RIOX2: variants seen among roughly 807,000 people sequenced by gnomAD.
RIOX2 encodes ribosomal oxygenase 2.
In RIOX2, 43 loss-of-function variants were observed where a neutral mutation model predicts 51.2. The ratio of observed to expected loss-of-function variants is 0.84; its 90% CI spans 0.66 to 1.08. RIOX2 has a LOEUF of 1.08. Among genes scored for constraint, RIOX2 ranks in the 50% least tolerant of loss-of-function variants. The pLI is 0.00. For missense variants in RIOX2, 566 were observed against 561.7 expected (o/e 1.01, Z -0.08); for synonymous variants, 226 against 218.5 (o/e 1.03, Z -0.30).
In RIOX2 at chr3:97,967,315, C is replaced by G; in HGVS notation, c.279G>C (p.Gly93=). The G allele has an allele frequency of 6.2e-7, 1 of 1,614,174 alleles. No homozygotes were observed. Among genetic ancestry groups the G allele is most frequent in the Non-Finnish European group, 8.5e-7 (1 of 1,180,042 alleles). ...LTDLKSLCSR[G]MYYGRDVNVC... ...CATTCACATCTCTTCCATAGTACAT[C>G]CCCCGGCTGCACAGACTCTTCAGAT... Residue 93 remains glycine (G), a synonymous_variant, in exon 2 of 10, where the codon GGG becomes GGC. Coordinates refer to ENST00000394198, the MANE Select transcript of RIOX2 (RefSeq NM_153182.4).
intron 5 of RIOX2, among the ~76,000 whole-genome samples, chr3:97,951,912 C>T (rs2107149358): frequency 6.6e-6 from 1 of 152,348 alleles, no homozygotes; most frequent in Non-Finnish European, 1.5e-5. Flanking sequence ...ACAATATGTG[C>T]TTCCTTTGCA....
chr3:97,969,490 C>T (rs966640018), intron 1 of RIOX2, among the ~76,000 whole-genome samples: 1 of 152,214 alleles, frequency 6.6e-6, no homozygotes, highest in Non-Finnish European at 1.5e-5. Context: ...CAGCTTGTGG[C>T]CGATGTCTGA....
intron 4 of RIOX2, among the ~76,000 whole-genome samples, chr3:97,957,959 T>C (rs967237998): frequency 1.3e-5 from 2 of 152,184 alleles, no homozygotes; most frequent in Non-Finnish European, 2.9e-5. Flanking sequence ...TGTGTTCCAA[T>C]AAACTACTTA....
intron 8 of RIOX2, 152 bp from the exon 9 acceptor site, chr3:97,946,039 T>C (rs2040349462): frequency 1.6e-6 from 1 of 622,688 alleles, no homozygotes; most frequent in East Asian, 2.9e-5. Flanking sequence ...AGAATCCTTT[T>C]GGCAAAAAGT....
chr3:97,965,670 G>C (rs1030578608), intron 2 of RIOX2, among the ~76,000 whole-genome samples: 10 of 152,218 alleles, frequency 6.6e-5, no homozygotes, highest in African/African-American at 2.4e-4. Context: ...GGAATGTGCA[G>C]CACTTAAGTG....
In RIOX2 at chr3:97,961,646, A is replaced by G; in HGVS notation, c.495T>C (p.Asn165=). 1 of 1,612,974 alleles carries G rather than the reference A, an allele frequency of 6.2e-7. No homozygotes were observed. Among genetic ancestry groups the G allele is most frequent in the Non-Finnish European group, 8.5e-7 (1 of 1,179,710 alleles). Residue 165 remains asparagine (N), a synonymous_variant, in exon 3 of 10, where the codon AAT becomes AAC. Coordinates refer to ENST00000394198, the MANE Select transcript of RIOX2 (RefSeq NM_153182.4). ...GAGATCCTGCGGGAGTTATGTACAC[A>G]TTCGAGCCAACCAAGGAGCCAAAGT... ...ECYFGSLVGS[N]VYITPAGSQG...
intron 6 of RIOX2, 72 bp from the exon 7 acceptor site, chr3:97,950,087 A>G: frequency 2.7e-6 from 4 of 1,486,312 alleles, no homozygotes; most frequent in Non-Finnish European, 3.7e-6. Context: ...TCCACAGTAG[A>G]CTGCAAAACT....
chr3:97,950,065 C>T (rs1705187146), intron 6 of RIOX2, 50 bp from the exon 7 acceptor site: 1 of 1,599,256 alleles, frequency 6.3e-7, no homozygotes, highest in East Asian at 2.2e-5. Context: ...GAACTTACTG[C>T]CCAGCTCAGT....
chr3:97,948,981 T>C (rs1168724467), intron 7 of RIOX2, among the ~76,000 whole-genome samples: 1 of 152,180 alleles, frequency 6.6e-6, no homozygotes, highest in Non-Finnish European at 1.5e-5. Context: ...CCTAAATCTG[T>C]CATAAATTAG....
rs563415767 is a variant in RIOX2, at chr3:97,961,789, G to T, written c.433-81C>A. ...GAAATAAGAATAAGAGCATGTTCTT[G>T]TTCACTTAGGAAGTCTTTACTGCAC... is the stretch of plus-strand genomic sequence containing the variant. On this transcript the variant is annotated intron_variant, in intron 2 of 9. Coordinates refer to ENST00000394198, the MANE Select transcript of RIOX2 (RefSeq NM_153182.4). The T allele has an allele frequency of 1.0e-5, 15 of 1,437,318 alleles. No individual in the cohort carries two copies. The Admixed American group carries it at 2.4e-4, about 23-fold the overall frequency. 89.0% of individuals were successfully genotyped at this position (1,437,318 alleles called of 1,614,324 possible).
chr3:97,942,522 C>A lies in RIOX2; in HGVS notation c.*2662G>T. 1 of 1,262,786 alleles carries A rather than the reference C, an allele frequency of 7.9e-7. No individual in the cohort carries two copies. Among genetic ancestry groups the A allele is most frequent in the South Asian group, 1.7e-5 (1 of 57,946 alleles). The allele number at this position is 1,262,786 out of a possible 1,614,324, so 78.2% of individuals were successfully genotyped here. On this transcript the variant is annotated 3_prime_UTR_variant, in exon 10 of 10. Coordinates refer to ENST00000394198, the MANE Select transcript of RIOX2 (RefSeq NM_153182.4). ...AAATCTCCTCATTTTGGGTAAAGGA[C>A]ATCCTTATGTATAAGAGAAATGTTA... is the stretch of plus-strand genomic sequence containing the variant.
At chr3:97,949,601 A>G (rs1487446576) in intron 7 of RIOX2, among the ~76,000 whole-genome samples, 1 of 152,152 alleles carries the variant, frequency 6.6e-6, no homozygotes, top group African/African-American at 2.4e-5. Flanking sequence ...ACCCAAAAGG[A>G]CAGGGCTCTT....
intron 5 of RIOX2, among the ~76,000 whole-genome samples, chr3:97,951,391 G>A (rs967435012): frequency 2.0e-5 from 3 of 152,194 alleles, no homozygotes; most frequent in Non-Finnish European, 4.4e-5. Flanking sequence ...TACAAGGGAT[G>A]CTACTCCTAA....
intron 8 of RIOX2, among the ~76,000 whole-genome samples, chr3:97,946,604 A>ATATATATATATATATATATATATATC (rs1553712244): frequency 1.9e-4 from 26 of 139,700 alleles, no homozygotes; most frequent in African/African-American, 7.1e-4. Flanking sequence ...ATATATATAT[A>ATATATATATATATATATATATATATC]TATCTATTCA....
intron 8 of RIOX2, among the ~76,000 whole-genome samples, chr3:97,946,507 C>T (rs2107130324): frequency 6.6e-6 from 1 of 150,408 alleles, no homozygotes; most frequent in South Asian, 2.1e-4. Context: ...GCCTAGCGTA[C>T]AATGTCTCAA....
chr3:97,947,306 C>T, intron 8 of RIOX2, 55 bp downstream of exon 8: 1 of 1,397,200 alleles, frequency 7.2e-7, no homozygotes, highest in Non-Finnish European at 1.0e-6. Flanking sequence ...AACCTGAGGC[C>T]TCTGATGAAA....
At chr3:97,946,602 A>ATATATATATATATATATCTATATC (rs1028298878) in intron 8 of RIOX2, among the ~76,000 whole-genome samples, 3 of 137,336 alleles carry the variant, frequency 2.2e-5, no homozygotes, top group African/African-American at 2.7e-5. Flanking sequence ...ATATATATAT[A>ATATATATATATATATATCTATATC]TATATCTATT....
intron 6 of RIOX2, 49 bp from the exon 7 acceptor site, chr3:97,950,064 G>A (rs1705187068): frequency 6.3e-7 from 1 of 1,598,614 alleles, no homozygotes; most frequent in African/African-American, 1.3e-5. Context: ...AGAACTTACT[G>A]CCCAGCTCAG....
In RIOX2 at chr3:97,943,489, A is replaced by C. The variant is rs2040279417; in HGVS notation, c.*1695T>G. ...GCTCTTAACCATGGAAAAGCTCAAA[A>C]TATTCTTGCCATTACTCAGTGTTCC... On this transcript the variant is annotated 3_prime_UTR_variant, in exon 10 of 10. Transcript: ENST00000394198. The C allele has an allele frequency of 1.8e-6, 1 of 564,046 alleles. No individual in the cohort carries two copies. Among genetic ancestry groups the C allele is most frequent in the African/African-American group, 2.0e-5 (1 of 50,022 alleles). The allele number at this position is 564,046 out of a possible 1,614,324, so 34.9% of individuals were successfully genotyped here.
Sources: allele counts gnomAD v4.1 joint callset (sites outside exome capture counted in the v4.1 genomes callset), GRCh38; gene constraint gnomAD v4.1.1; transcripts MANE v1.5; gene names NCBI Gene and HGNC (gene_info 2026-07-23, HGNC 2026-07-21).